The following CNTNAP4 variants were observed in gnomAD, a reference collection of about 807,000 sequenced individuals.
CNTNAP4 encodes the protein contactin associated protein family member 4, also known as contactin-associated protein-like 4.
A neutral mutation model predicts 148.4 loss-of-function variants in CNTNAP4; 98 were observed. The observed-to-expected ratio is 0.66, with a 90% CI of 0.56 to 0.78. CNTNAP4 has a LOEUF of 0.78. Among genes scored for constraint, CNTNAP4 ranks in the 30% least tolerant of loss-of-function variants. The pLI is 0.00. For synonymous variants in CNTNAP4, 730 were observed against 565.1 expected (o/e 1.29, Z -4.14); for missense variants, 1,935 against 1,565.6 (o/e 1.24, Z -3.98).
chr16:76,405,638 T>C (rs1353161208), intron 3 of CNTNAP4, among the ~76,000 whole-genome samples: 3 of 152,224 alleles, frequency 2.0e-5, no homozygotes, highest in South Asian at 4.1e-4. Context: ...TTCATCCTCA[T>C]TGTCTTCGTG....
chr16:76,318,769 A>C (rs9673610), intron 2 of CNTNAP4, among the ~76,000 whole-genome samples: 40,518 of 135,058 alleles, frequency 0.3, 6,143 homozygotes, highest in Non-Finnish European at 0.36. Flanking sequence ...TCATAATAAT[A>C]ATCATAATCA....
At chr16:76,326,344 A>G (rs892283492) in intron 2 of CNTNAP4, among the ~76,000 whole-genome samples, 1 of 152,190 alleles carries the variant, frequency 6.6e-6, no homozygotes, top group African/African-American at 2.4e-5. Flanking sequence ...AACCACAGAA[A>G]TATCAAAAGC....
intron 15 of CNTNAP4, among the ~76,000 whole-genome samples, chr16:76,503,870 T>TC (rs758289382): frequency 2.0e-4 from 31 of 152,168 alleles, no homozygotes; most frequent in Non-Finnish European, 3.1e-4. Context: ...AAATTATAAA[T>TC]GATATTTTAA....
chr16:76,346,097 C>A (rs755928122), intron 2 of CNTNAP4, among the ~76,000 whole-genome samples: 1 of 152,060 alleles, frequency 6.6e-6, no homozygotes, highest in South Asian at 2.1e-4. Context: ...GCATGTAATT[C>A]TATAAGATAT....
At chr16:76,523,238 G>GCC (rs372472370) in intron 17 of CNTNAP4, among the ~76,000 whole-genome samples, 3 of 103,100 alleles carry the variant, frequency 2.9e-5, no homozygotes, top group African/African-American at 1.1e-4. Context: ...CACTCCCCCG[G>GCC]CCCCCCCGCC....
At chr16:76,523,272 A>C (rs2083567956) in intron 17 of CNTNAP4, among the ~76,000 whole-genome samples, 1 of 121,652 alleles carries the variant, frequency 8.2e-6, no homozygotes, top group Admixed American at 1.0e-4. Context: ...CATCAAAAAC[A>C]GGCCAATAGC....
intron 4 of CNTNAP4, among the ~76,000 whole-genome samples, chr16:76,438,688 C>A (rs1384697085): frequency 6.6e-6 from 1 of 152,088 alleles, no homozygotes; most frequent in Non-Finnish European, 1.5e-5. Context: ...GCCACTGTCT[C>A]TCCTACACTC....
chr16:76,484,542 C>A (rs2081957701), intron 12 of CNTNAP4, among the ~76,000 whole-genome samples: 1 of 152,008 alleles, frequency 6.6e-6, no homozygotes, highest in Non-Finnish European at 1.5e-5. Flanking sequence ...TTGAAACTTT[C>A]CTTATTGATC....
intron 11 of CNTNAP4, among the ~76,000 whole-genome samples, chr16:76,476,539 C>T (rs1381371605): frequency 6.6e-6 from 1 of 152,158 alleles, no homozygotes; most frequent in African/African-American, 2.4e-5. Flanking sequence ...AACATAATGC[C>T]ATAGCCTAGG....
chr16:76,396,035 GT>G (rs2078192044), intron 3 of CNTNAP4, among the ~76,000 whole-genome samples: 1 of 152,126 alleles, frequency 6.6e-6, no homozygotes, highest in Non-Finnish European at 1.5e-5. Flanking sequence ...AGCCTGGATG[GT>G]TTTTATTAAC....
chr16:76,391,417 TC>T (rs1256030972), intron 3 of CNTNAP4, among the ~76,000 whole-genome samples: 1 of 152,252 alleles, frequency 6.6e-6, no homozygotes, highest in Non-Finnish European at 1.5e-5. Flanking sequence ...TGCTAACGTT[TC>T]TTTTTTTGGA....
intron 1 of CNTNAP4, among the ~76,000 whole-genome samples, chr16:76,298,949 C>T (rs1448440526): frequency 6.6e-6 from 1 of 152,044 alleles, no homozygotes; most frequent in East Asian, 1.9e-4. Context: ...TTCTCTAGAA[C>T]CTGGTAGGGA....
At chr16:76,460,092 A>C (rs1361017315) in intron 8 of CNTNAP4, among the ~76,000 whole-genome samples, 2 of 151,830 alleles carry the variant, frequency 1.3e-5, no homozygotes, top group African/African-American at 2.4e-5. Context: ...GTTTCTTTTT[A>C]TTTTTGTTTT....
chr16:76,503,182 T>C (rs535113737), intron 15 of CNTNAP4, among the ~76,000 whole-genome samples: 1 of 152,316 alleles, frequency 6.6e-6, no homozygotes, highest in African/African-American at 2.4e-5. Context: ...TATAACTGCT[T>C]TCCCTTTAAG....
rs192928705 is a variant in CNTNAP4, at chr16:76,335,797, G to T, written c.196+19274G>T. 5.9e-5 allele frequency among the ~76,000 whole-genome samples: 9 copies of T among 152,306 alleles called. No individual in the cohort carries two copies. The East Asian group carries it at 7.7e-4, about 13-fold the overall frequency. On this transcript the variant is annotated intron_variant, in intron 2 of 23. Coordinates refer to ENST00000611870, the MANE Select transcript of CNTNAP4 (RefSeq NM_033401.5). ...TGAGGAGAACTAAAAGCTGCTGGGG[G>T]TGCCGAGAAGCACAGGAGGTAGAGG... is the stretch of plus-strand genomic sequence containing the variant.
chr16:76,512,788 T>C (rs1196994779), intron 15 of CNTNAP4, among the ~76,000 whole-genome samples: 1 of 152,132 alleles, frequency 6.6e-6, no homozygotes, highest in Non-Finnish European at 1.5e-5. Context: ...ACTGAGAATA[T>C]ATCACCTATG....
Position 76,359,198 on chromosome 16 carries a change from G to T in CNTNAP4, c.390+3687G>T, listed in dbSNP as rs116533162. Among the ~76,000 whole-genome samples, 507 of 152,216 alleles carry T rather than the reference G, an allele frequency of 3.3e-3. 2 individuals carry two copies. The highest frequency in any genetic ancestry group is 0.012 in the African/African-American group (481 of 41,550). ...TCCCAACTTTTTGTTTTCTGGCTCAGTTTTTGTAGGTATTATAGGATGTAT... is the reference window on the plus strand; with the variant it reads ...TCCCAACTTTTTGTTTTCTGGCTCATTTTTTGTAGGTATTATAGGATGTAT... On this transcript the variant is annotated intron_variant, in intron 3 of 23. Transcript: ENST00000611870.
At chr16:76,399,311 C>G (rs2078321606) in intron 3 of CNTNAP4, among the ~76,000 whole-genome samples, 1 of 152,088 alleles carries the variant, frequency 6.6e-6, no homozygotes, top group Non-Finnish European at 1.5e-5. Context: ...AATTAAGTAC[C>G]TCTGATAGAA....
intron 2 of CNTNAP4, among the ~76,000 whole-genome samples, chr16:76,352,087 G>A (rs548521928): frequency 1.0e-3 from 152 of 152,288 alleles, no homozygotes; most frequent in African/African-American, 3.5e-3. Context: ...TTTCCAGGCT[G>A]AGAGGGTGAC....
Sources: allele counts gnomAD v4.1 joint callset (sites outside exome capture counted in the v4.1 genomes callset), GRCh38; gene constraint gnomAD v4.1.1; transcripts MANE v1.5; gene names NCBI Gene and HGNC (gene_info 2026-07-23, HGNC 2026-07-21).